Variants in EP300 observed in about 807,000 individuals in gnomAD.
EP300 encodes histone acetyltransferase p300.
EP300 carries 31 observed loss-of-function variants against 264.0 expected under a neutral mutation model. The observed-to-expected ratio is 0.12, with a 90% CI of 0.09 to 0.16. The LOEUF (loss-of-function observed/expected upper bound fraction) is 0.16. Among genes scored for constraint, EP300 ranks in the 10% least tolerant of loss-of-function variants. The probability of loss-of-function intolerance (pLI) is 1.00; values close to 1 mark genes in which losing one functional copy is unlikely to be tolerated. For synonymous variants in EP300, 1,340 were observed against 1,045.4 expected (o/e 1.28, Z -5.44); for missense variants, 2,766 against 3,052.9 (o/e 0.91, Z 2.21).
At chr22:41,127,035 C>T (rs528532441) in intron 3 of EP300, among the ~76,000 whole-genome samples, 83 of 152,130 alleles carry the variant, frequency 5.5e-4, no homozygotes, top group African/African-American at 1.7e-3. Flanking sequence ...TGAGCCACCG[C>T]GCCCGGCCTG....
Position 41,137,639 on chromosome 22 carries a change from A to G in EP300, c.1623-14A>G, listed in dbSNP as rs576979033. 1 of 1,613,860 alleles carries G rather than the reference A, an allele frequency of 6.2e-7. No individual in the cohort carries two copies. Among genetic ancestry groups the G allele is most frequent in the South Asian group, 1.1e-5 (1 of 91,062 alleles). On this transcript the variant is annotated splice_polypyrimidine_tract_variant and intron_variant, in intron 7 of 30. Transcript: ENST00000263253. ...CTTTCTTCACTAAAACTATTTGGTG[A>G]CCCCTTTTTGAAGCCCAATGATGAG...
At chr22:41,165,890 C>T (rs2059131282) in intron 22 of EP300, among the ~76,000 whole-genome samples, 1 of 151,826 alleles carries the variant, frequency 6.6e-6, no homozygotes, top group African/African-American at 2.4e-5. Context: ...CTGCCTCAGC[C>T]TCTCCTGCCT....
chr22:41,154,980 C>A lies in EP300; in HGVS notation c.3143-15C>A. The A allele has an allele frequency of 8.4e-7, 1 of 1,194,432 alleles. No individual in the cohort carries two copies. Among genetic ancestry groups the A allele is most frequent in the East Asian group, 2.9e-5 (1 of 34,204 alleles). 74.0% of individuals were successfully genotyped at this position (1,194,432 alleles called of 1,614,324 possible). A position where few individuals can be genotyped will look rare whatever the true frequency, so the allele number is the denominator to read the frequency against. On this transcript the variant is annotated splice_polypyrimidine_tract_variant and intron_variant, in intron 16 of 30. Coordinates refer to ENST00000263253, the MANE Select transcript of EP300 (RefSeq NM_001429.4). ...TAATTGGTAACTAATTTCAAATGCA[C>A]TTTTTTTTTTTAAGTTTTCAAACCA...
At chr22:41,127,984 T>G (rs1340157265) in intron 4 of EP300, among the ~76,000 whole-genome samples, 1 of 152,072 alleles carries the variant, frequency 6.6e-6, no homozygotes, top group Non-Finnish European at 1.5e-5. Flanking sequence ...GGCCAGGAGT[T>G]TGAGACCAGC....
intron 2 of EP300, among the ~76,000 whole-genome samples, chr22:41,118,255 G>T (rs2058832533): frequency 1.3e-5 from 2 of 152,092 alleles, no homozygotes; most frequent in South Asian, 2.1e-4. Context: ...TTTCTTTATT[G>T]GTTGATGGAA....
rs142500478 is a variant in EP300 at position 41,171,633 on chromosome 22, A to T, written c.4453-866A>T. Among the ~76,000 whole-genome samples, 449 of 150,838 alleles carry T rather than the reference A, an allele frequency of 3.0e-3. 11 individuals are homozygous for T. In the East Asian group the frequency reaches 0.052, roughly 17 times the overall value. ...ATTATAGGCATGAGCCACATCACCC[A>T]GCCAAAAATATATTCTCCCTTTTTT... On this transcript the variant is annotated intron_variant, in intron 27 of 30. Transcript: ENST00000263253.
intron 2 of EP300, among the ~76,000 whole-genome samples, chr22:41,121,662 G>A (rs537518056): frequency 6.6e-6 from 1 of 152,302 alleles, no homozygotes; most frequent in Admixed American, 6.5e-5. Flanking sequence ...GCAGTGTCAG[G>A]AATTGGTTGA....
Position 41,178,946 on chromosome 22 carries a change from A to G in EP300, c.7235A>G (p.Asp2412Gly). Reference protein sequence around the residue: ...LNSNLSQSTLDIH With the variant: ...LNSNLSQSTLGIH ...TCAAACCTCTCACAGAGTACACTAG[A>G]CATACACTAGAGACACCTTGTAGTA... The change falls in exon 31 of 31, where the codon GAC becomes GGC. Residue 2412 changes from aspartate to glycine, a missense_variant. Physicochemically the swap from Asp to Gly is moderately conservative, Grantham distance 94. Coordinates refer to ENST00000263253, the MANE Select transcript of EP300 (RefSeq NM_001429.4). The G allele has an allele frequency of 6.2e-7, 1 of 1,613,020 alleles. No homozygotes were observed. The highest frequency in any genetic ancestry group is 8.5e-7 in the Non-Finnish European group (1 of 1,179,784).
chr22:41,132,165 C>T lies in EP300; in HGVS notation c.1528+532C>T, dbSNP rs1037828215. ...GAGCTGAGATTGAGCCATTGCACTCCAGCCTGGGTGACAGAGCAAGACTCC... is the reference window on the plus strand; with the variant it reads ...GAGCTGAGATTGAGCCATTGCACTCTAGCCTGGGTGACAGAGCAAGACTCC... On this transcript the variant is annotated intron_variant, in intron 6 of 30. Transcript: ENST00000263253. 6.1e-5 allele frequency among the ~76,000 whole-genome samples: 9 copies of T among 146,958 alleles called. No individual in the cohort carries two copies. In the Admixed American group the frequency reaches 6.1e-4, roughly 10 times the overall value.
At chr22:41,094,660 T>C (rs1054286377) in intron 1 of EP300, among the ~76,000 whole-genome samples, 1 of 152,226 alleles carries the variant, frequency 6.6e-6, no homozygotes, top group African/African-American at 2.4e-5. Context: ...GAAACATTTT[T>C]TAGATCATCT....
chr22:41,162,718 C>T lies in EP300; in HGVS notation c.3672-5C>T, dbSNP rs1406175788. The T allele has an allele frequency of 4.4e-6, 7 of 1,608,538 alleles. No homozygotes were observed. The highest frequency in any genetic ancestry group is 1.3e-5 in the African/African-American group (1 of 74,788). On this transcript the variant is annotated splice_polypyrimidine_tract_variant and splice_region_variant and intron_variant, in intron 20 of 30. Transcript: ENST00000263253. ...TTTCTCATTGTGTCCCTTTTCTCTC[C>T]TTAGTACAATAAATAAAGAACAATT...
intron 16 of EP300, among the ~76,000 whole-genome samples, chr22:41,154,432 A>G (rs1241994429): frequency 8.7e-6 from 1 of 115,500 alleles, no homozygotes; most frequent in African/African-American, 3.4e-5. Flanking sequence ...CCTAGGCTGG[A>G]GTGCAGTGGC....
chr22:41,114,288 C>T (rs758740881), intron 1 of EP300, among the ~76,000 whole-genome samples: 1 of 152,122 alleles, frequency 6.6e-6, no homozygotes, highest in Non-Finnish European at 1.5e-5. Flanking sequence ...CTGCCGCTAT[C>T]CTCCTTCCTC....
intron 2 of EP300, among the ~76,000 whole-genome samples, chr22:41,119,170 T>TTATTAC (rs2058837819): frequency 1.0e-5 from 1 of 99,350 alleles, no homozygotes; most frequent in Non-Finnish European, 1.9e-5. Flanking sequence ...GCCTGGCTTA[T>TTATTAC]TATTATTTTT....
At chr22:41,099,311 G>A (rs1259437327) in intron 1 of EP300, among the ~76,000 whole-genome samples, 1 of 151,946 alleles carries the variant, frequency 6.6e-6, no homozygotes, top group African/African-American at 2.4e-5. Context: ...GGGATTACAG[G>A]CATGAGCCAC....
rs1437095939 is a variant in EP300 at position 41,167,572 on chromosome 22, GTGTGTGTGTGTGTATATATATATATATA to G, written c.3875-875_3875-848del. Among the ~76,000 whole-genome samples the G allele has an allele frequency of 1.3e-3, 125 of 95,482 alleles. 2 individuals are homozygous for G. Among genetic ancestry groups the G allele is most frequent in the African/African-American group, 6.6e-3 (118 of 17,894 alleles). The allele number at this position is 95,482 out of a possible 152,430, so 62.6% of individuals were successfully genotyped here. A position where few individuals can be genotyped will look rare whatever the true frequency, so the allele number is the denominator to read the frequency against. ...ATTGTTTATATATTTGTGTGTGTGTGTGTGTGTGTGTGTATATATATATATATATATATATATATATATATATATATAT... is the reference window on the plus strand; with the variant it reads ...ATTGTTTATATATTTGTGTGTGTGTGTATATATATATATATATATATATAT... On this transcript the variant is annotated intron_variant, in intron 23 of 30. Transcript: ENST00000263253.
rs770254783 is a variant in EP300, at chr22:41,152,324, C to T, written c.3116C>T (p.Pro1039Leu). The change falls in exon 16 of 31, where the codon CCG becomes CTG. Residue 1039 changes from proline (P) to leucine (L), a missense_variant. Pro to Leu is a moderately conservative substitution (Grantham distance 98). Coordinates refer to ENST00000263253, the MANE Select transcript of EP300 (RefSeq NM_001429.4). Reference sequence around the variant, plus strand: ...AGTACTTCAGCTACCCAGTCATCTCCGGCTCCAGGACAGTCAAAGAAAAAG... The same window carrying T: ...AGTACTTCAGCTACCCAGTCATCTCTGGCTCCAGGACAGTCAAAGAAAAAG... ...QPSTSATQSS[P>L]APGQSKKKIF... The T allele has an allele frequency of 2.0e-5, 32 of 1,613,848 alleles. No individual in the cohort carries two copies. Among genetic ancestry groups the T allele is most frequent in the Admixed American group, 3.3e-5 (2 of 59,962 alleles).
At chr22:41,125,264 G>A (rs1245228086) in intron 2 of EP300, among the ~76,000 whole-genome samples, 3 of 151,352 alleles carry the variant, frequency 2.0e-5, no homozygotes, top group African/African-American at 2.4e-5. Flanking sequence ...GACTACAGGC[G>A]CCCGCCACCA....
At chr22:41,106,236 G>T (rs528676646) in intron 1 of EP300, among the ~76,000 whole-genome samples, 1 of 152,184 alleles carries the variant, frequency 6.6e-6, no homozygotes, top group Non-Finnish European at 1.5e-5. Context: ...AGCATCCATT[G>T]TAAGAGTAGG....
Sources: allele counts gnomAD v4.1 joint callset (sites outside exome capture counted in the v4.1 genomes callset), GRCh38; gene constraint gnomAD v4.1.1; transcripts MANE v1.5; gene names NCBI Gene and HGNC (gene_info 2026-07-23, HGNC 2026-07-21).